PARD3B: variants seen among roughly 807,000 people sequenced by gnomAD.
PARD3B encodes partitioning defective 3 homolog B.
PARD3B carries 103 observed loss-of-function variants against 130.2 expected under a neutral mutation model. The observed-to-expected ratio is 0.79, with a 90% CI of 0.67 to 0.93. The LOEUF is 0.93. PARD3B is among the 40% of genes least tolerant of loss of function. The pLI is 0.00. For missense variants in PARD3B, 1,609 were observed against 1,499.2 expected (o/e 1.07, Z -1.21); for synonymous variants, 583 against 553.2 (o/e 1.05, Z -0.76).
rs114057844 is a variant in PARD3B at position 204,805,913 on chromosome 2, C to A, written c.222+119631C>A. Among the ~76,000 whole-genome samples the A allele has an allele frequency of 6.0e-3, 918 of 152,080 alleles. 11 individuals are homozygous for A. The highest frequency in any genetic ancestry group is 0.021 in the African/African-American group (888 of 41,502). Reference sequence around the variant, plus strand: ...AACTGAGTGTAGAAGGAACATACCTCAACACAATAAAAGCCACATATGGCA... The same window carrying A: ...AACTGAGTGTAGAAGGAACATACCTAAACACAATAAAAGCCACATATGGCA... On this transcript the variant is annotated intron_variant, in intron 2 of 22. Transcript: ENST00000406610.
chr2:205,245,835 T>G lies in PARD3B; in HGVS notation c.2185+13T>G. The G allele has an allele frequency of 6.4e-7, 1 of 1,572,610 alleles. No individual in the cohort carries two copies. Among genetic ancestry groups the G allele is most frequent in the Non-Finnish European group, 8.8e-7 (1 of 1,142,624 alleles). On this transcript the variant is annotated intron_variant, in intron 16 of 22. Coordinates refer to ENST00000406610, the MANE Select transcript of PARD3B (RefSeq NM_001302769.2). ...GGACAAAAATCGGGTAAGAAATTCC[T>G]TGTAACTGACTATATTCCTCTTCCT...
intron 4 of PARD3B, among the ~76,000 whole-genome samples, chr2:205,072,058 A>G (rs879660881): frequency 3.3e-5 from 5 of 152,152 alleles, no homozygotes; most frequent in Non-Finnish European, 7.3e-5. Flanking sequence ...GTCTCACATA[A>G]TAGTAAACAT....
Position 205,229,330 on chromosome 2 carries a change from T to C in PARD3B, c.2141-16448T>C, listed in dbSNP as rs925938594. Among the ~76,000 whole-genome samples the C allele has an allele frequency of 6.6e-6, 1 of 152,240 alleles. No individual in the cohort carries two copies. The highest frequency in any genetic ancestry group is 2.4e-5 in the African/African-American group (1 of 41,470). On this transcript the variant is annotated intron_variant, in intron 15 of 22. Transcript: ENST00000406610. The surrounding 1 kb of genome is among the most constrained non-coding windows in gnomAD (Gnocchi z 5.2). ...AGGGAATTGAGTGTTGTGACCTTAA[T>C]CTTCGGCCCCTGCAACCATAACTGC...
chr2:204,952,425 T>C (rs1689856846), intron 2 of PARD3B, among the ~76,000 whole-genome samples: 1 of 152,204 alleles, frequency 6.6e-6, no homozygotes, highest in African/African-American at 2.4e-5. Flanking sequence ...AAAATATTAC[T>C]GGTTCCAGGT....
intron 3 of PARD3B, among the ~76,000 whole-genome samples, chr2:205,024,844 T>C (rs773435605): frequency 3.3e-5 from 5 of 152,228 alleles, no homozygotes; most frequent in Non-Finnish European, 5.9e-5. Flanking sequence ...TGTGGAACCA[T>C]AAACAGCATG....
chr2:204,863,061 C>T lies in PARD3B; in HGVS notation c.223-102091C>T, dbSNP rs530277427. ...CAGTCGGGAAAGGGCGGGCTCCATC[C>T]GGGACCAGCAGTCTGTTTTTTCAGC... On this transcript the variant is annotated intron_variant, in intron 2 of 22. Coordinates refer to ENST00000406610, the MANE Select transcript of PARD3B (RefSeq NM_001302769.2). 2.6e-5 allele frequency among the ~76,000 whole-genome samples: 4 copies of T among 152,220 alleles called. No homozygotes were observed. In the South Asian group the frequency reaches 8.3e-4, roughly 32 times the overall value.
rs988943914 is a variant in PARD3B, at chr2:204,799,778, G to A, written c.222+113496G>A. 6.6e-6 allele frequency among the ~76,000 whole-genome samples: 1 copy of A among 152,158 alleles called. No homozygotes were observed. The highest frequency in any genetic ancestry group is 2.1e-4 in the South Asian group (1 of 4,826). On this transcript the variant is annotated intron_variant, in intron 2 of 22. Coordinates refer to ENST00000406610, the MANE Select transcript of PARD3B (RefSeq NM_001302769.2). This position sits in a 1 kb window ranked among gnomAD's most constrained non-coding sequence, Gnocchi z 4.1. ...ATCCAAGACCACCAAGATGGTACCT[G>A]TACAAGTCTGCAAAAGCCATAGTAT...
intron 10 of PARD3B, among the ~76,000 whole-genome samples, chr2:205,155,871 T>C (rs2034088132): frequency 6.6e-6 from 1 of 152,210 alleles, no homozygotes. Flanking sequence ...GTTCATGTCC[T>C]TCGCCCACTT....
chr2:205,236,987 G>T (rs997184958), intron 15 of PARD3B, among the ~76,000 whole-genome samples: 1 of 152,176 alleles, frequency 6.6e-6, no homozygotes, highest in Admixed American at 6.5e-5. Flanking sequence ...TGAGCAAAGA[G>T]GGAAAGGAAT....
At chr2:205,250,879 AG>A (rs2039815692) in intron 16 of PARD3B, among the ~76,000 whole-genome samples, 1 of 152,160 alleles carries the variant, frequency 6.6e-6, no homozygotes, top group African/African-American at 2.4e-5. Flanking sequence ...CAGTGAGCCA[AG>A]ATCACACCAC....
chr2:204,954,714 T>C (rs965781695), intron 2 of PARD3B, among the ~76,000 whole-genome samples: 4 of 152,180 alleles, frequency 2.6e-5, no homozygotes, highest in African/African-American at 9.7e-5. Context: ...GGTATGCCCA[T>C]TGCACCTGCT....
rs191503549 is a variant in PARD3B, at chr2:204,677,616, A to G, written c.121-8565A>G. Among the ~76,000 whole-genome samples, 1 of 152,348 alleles carries G rather than the reference A, an allele frequency of 6.6e-6. No individual in the cohort carries two copies. The highest frequency in any genetic ancestry group is 6.5e-5 in the Admixed American group (1 of 15,300). ...AAAATACTCTAAATGTAGTGGGACCACTTTGGCACAGAGTGAAACGATTCC... is the reference window on the plus strand; with the variant it reads ...AAAATACTCTAAATGTAGTGGGACCGCTTTGGCACAGAGTGAAACGATTCC... On this transcript the variant is annotated intron_variant, in intron 1 of 22. Transcript: ENST00000406610. This position sits in a 1 kb window ranked among gnomAD's most constrained non-coding sequence, Gnocchi z 4.1.
intron 1 of PARD3B, among the ~76,000 whole-genome samples, chr2:204,657,621 C>T (rs1350232852): frequency 6.6e-6 from 1 of 152,102 alleles, no homozygotes; most frequent in East Asian, 1.9e-4. Context: ...CTTAATTATT[C>T]TTAAAGCTTG....
chr2:204,807,395 G>A (rs973567978), intron 2 of PARD3B, among the ~76,000 whole-genome samples: 6 of 152,070 alleles, frequency 3.9e-5, no homozygotes, highest in African/African-American at 9.7e-5. Context: ...ACTGTTGGTC[G>A]GAATGTAAAT....
At chr2:204,934,106 A>G (rs1688230652) in intron 2 of PARD3B, among the ~76,000 whole-genome samples, 1 of 152,178 alleles carries the variant, frequency 6.6e-6, no homozygotes, top group Admixed American at 6.5e-5. Flanking sequence ...CATCGATGGG[A>G]AGGAAGCCAG....
rs536693487 is a variant in PARD3B at position 205,608,593 on chromosome 2, C to G, written c.3261-6863C>G. Among the ~76,000 whole-genome samples the G allele has an allele frequency of 9.9e-5, 15 of 152,194 alleles. No individual in the cohort carries two copies. In the South Asian group the frequency reaches 3.1e-3, roughly 32 times the overall value. ...TTCTCAGTTATCTTTTCTAATTGTT[C>G]TCAGCACCCACTTTAAAAACCTCTC... is the stretch of plus-strand genomic sequence containing the variant. On this transcript the variant is annotated intron_variant, in intron 22 of 22. Coordinates refer to ENST00000406610, the MANE Select transcript of PARD3B (RefSeq NM_001302769.2).
chr2:204,591,270 C>T (rs1047816330), intron 1 of PARD3B, among the ~76,000 whole-genome samples: 2 of 152,158 alleles, frequency 1.3e-5, no homozygotes, highest in East Asian at 1.9e-4. Flanking sequence ...GAGAGAGGAG[C>T]TGATTGTCTT....
intron 22 of PARD3B, among the ~76,000 whole-genome samples, chr2:205,569,632 A>G (rs542452323): frequency 1.2e-4 from 19 of 152,316 alleles, no homozygotes; most frequent in Admixed American, 1.1e-3. Flanking sequence ...ATTGTGGAAG[A>G]TGTCTGTGTA....
intron 19 of PARD3B, among the ~76,000 whole-genome samples, chr2:205,422,488 C>T (rs1313040996): frequency 6.6e-6 from 1 of 152,172 alleles, no homozygotes; most frequent in African/African-American, 2.4e-5. Flanking sequence ...CCTTGCCTCC[C>T]TCTTAAAAAG....
Sources: gnomAD v4.1 joint callset for allele counts (sites outside exome capture counted in the v4.1 genomes callset) on GRCh38, gnomAD v4.1.1 for gene constraint, Gnocchi (gnomAD v3.1) non-coding constraint, MANE v1.5 for transcripts, NCBI Gene and HGNC (gene_info 2026-07-23, HGNC 2026-07-21) for gene names.